APC: variants seen among roughly 807,000 people sequenced by gnomAD.
The protein encoded by APC is adenomatous polyposis coli protein.
Under a neutral mutation model 247.0 loss-of-function variants are expected in APC, and 72 were observed. That is an observed-to-expected ratio of 0.29 (90% CI 0.24 to 0.35). The LOEUF (loss-of-function observed/expected upper bound fraction) is 0.35. APC is among the 10% of genes least tolerant of loss of function. The pLI is 1.00. For missense variants in APC, 3,400 were observed against 3,360.7 expected, an observed-to-expected ratio of 1.01 and a Z score of -0.29; for synonymous variants, 1,254 against 1,162.5, an observed-to-expected ratio of 1.08 and a Z score of -1.60.
chr5:112,734,086 G>T (rs886130959), upstream of APC, among the ~76,000 whole-genome samples: 1 of 152,158 alleles, frequency 6.6e-6, no homozygotes, highest in African/African-American at 2.4e-5. Flanking sequence ...ACAGCACCTT[G>T]CGAGGCCAAG....
chr5:112,744,401 G>A (rs1379172588), intron 1 of APC, among the ~76,000 whole-genome samples: 1 of 152,166 alleles, frequency 6.6e-6, no homozygotes, highest in Non-Finnish European at 1.5e-5. Context: ...CTGTCGCTGA[G>A]TAAAGCATTT....
intron 4 of APC, among the ~76,000 whole-genome samples, chr5:112,770,976 G>C (rs901718082): frequency 6.6e-6 from 1 of 151,992 alleles, no homozygotes; most frequent in Non-Finnish European, 1.5e-5. Context: ...ATTTTGTTAA[G>C]ACTGTTAACA....
At chr5:112,774,829 T>C (rs1757436733) in intron 4 of APC, among the ~76,000 whole-genome samples, 1 of 152,194 alleles carries the variant, frequency 6.6e-6, no homozygotes, top group Non-Finnish European at 1.5e-5. Context: ...TACACTATAA[T>C]AATATGCTAC....
rs553772210 is a variant in APC at position 112,812,141 on chromosome 5, A to G, written c.835-3354A>G. On this transcript the variant is annotated intron_variant, in intron 8 of 15. Coordinates refer to ENST00000257430, the MANE Select transcript of APC (RefSeq NM_000038.6). The stretch of plus-strand genomic sequence containing the variant: ...CTTGAGAGTGCTTCTCATCACCTCT[A>G]TAGCATTTTATTCACTAGAAGCAAG... Among the ~76,000 whole-genome samples, 7 of 152,310 alleles carry G rather than the reference A, an allele frequency of 4.6e-5. No homozygotes were observed. The South Asian group carries it at 6.2e-4, about 14-fold the overall frequency.
At chr5:112,732,971 C>A (rs909346336), upstream of APC, among the ~76,000 whole-genome samples, 58 of 152,182 alleles carry the variant, frequency 3.8e-4, no homozygotes, top group Admixed American at 1.7e-3. Flanking sequence ...TCAGTTATTC[C>A]CATTTTATAG....
intron 1 of APC, among the ~76,000 whole-genome samples, chr5:112,731,002 G>A (rs1752070936): frequency 6.6e-6 from 1 of 151,728 alleles, no homozygotes; most frequent in Non-Finnish European, 1.5e-5. Flanking sequence ...TTAAAAGCTA[G>A]TTTATATCAT....
intron 9 of APC, among the ~76,000 whole-genome samples, chr5:112,817,202 T>C (rs1311843687): frequency 6.6e-6 from 1 of 152,176 alleles, no homozygotes. Context: ...TAAGATGAAA[T>C]GAAATTCTAA....
rs752605851 is a variant in APC, at chr5:112,841,278, C to T, written c.5684C>T (p.Thr1895Ile). 2 of 1,613,730 alleles carry T rather than the reference C, an allele frequency of 1.2e-6. No homozygotes were observed. The highest frequency in any genetic ancestry group is 2.2e-5 in the South Asian group (2 of 91,066). The part of the protein sequence containing the change: ...KENKESEAKV[T>I]SHTELTSNQQ... ...AATAAGGAATCAGAGGCTAAAGTTA[C>T]CAGCCACACAGAACTAACCTCCAAC... is the stretch of plus-strand genomic sequence containing the variant. Residue 1895 changes from threonine to isoleucine, a missense_variant, in exon 16 of 16, where the codon ACC becomes ATC. By Grantham distance (89) the Thr-to-Ile change is moderately conservative. This residue lies in a region of APC where 1,788 missense variants were observed against 1,649.5 expected (regional missense o/e 1.08). Coordinates refer to ENST00000257430, the MANE Select transcript of APC (RefSeq NM_000038.6). This position sits in a 1 kb window ranked among gnomAD's most constrained non-coding sequence, Gnocchi z 4.6.
At chr5:112,753,015 A>C (rs1380111496) in intron 1 of APC, among the ~76,000 whole-genome samples, 1 of 152,040 alleles carries the variant, frequency 6.6e-6, no homozygotes, top group Non-Finnish European at 1.5e-5. Context: ...TGTCTCAGTA[A>C]ACTTGTGCAT....
intron 1 of APC, among the ~76,000 whole-genome samples, chr5:112,731,606 A>G (rs1380590257): frequency 6.6e-6 from 1 of 152,156 alleles, no homozygotes; most frequent in Non-Finnish European, 1.5e-5. Context: ...TGGGGGACAT[A>G]CTCAAATCGT....
chr5:112,739,018 T>G (rs114355315), intron 1 of APC, among the ~76,000 whole-genome samples: 1 of 152,246 alleles, frequency 6.6e-6, no homozygotes, highest in Non-Finnish European at 1.5e-5. Flanking sequence ...TCAAAAATTA[T>G]GGTGAACAAA....
At position 112,838,308 on chromosome 5, in the gene APC, G is replaced by C. The variant is rs1580626106; in HGVS notation, c.2714G>C (p.Ser905Thr). Residue 905 changes from serine (S) to threonine (T), a missense_variant, in exon 16 of 16, where the codon AGT becomes ACT. Ser to Thr is a moderately conservative substitution (Grantham distance 58, BLOSUM62 1). Coordinates refer to ENST00000257430, the MANE Select transcript of APC (RefSeq NM_000038.6). ...ATTCATACCTCTCAGGAAGACAGAAGTTCTGGGTCTACCACTGAATTACAT... is the reference window on the plus strand; with the variant it reads ...ATTCATACCTCTCAGGAAGACAGAACTTCTGGGTCTACCACTGAATTACAT... ...SAIHTSQEDR[S>T]SGSTTELHCV... 1 of 1,614,194 alleles carries C rather than the reference G, an allele frequency of 6.2e-7. No individual in the cohort carries two copies. The highest frequency in any genetic ancestry group is 8.5e-7 in the Non-Finnish European group (1 of 1,180,040).
At chr5:112,725,068 C>G (rs1404186986) in intron 1 of APC, among the ~76,000 whole-genome samples, 2 of 152,140 alleles carry the variant, frequency 1.3e-5, no homozygotes, top group African/African-American at 2.4e-5. Flanking sequence ...ACCGCAACCT[C>G]TGCCTCCTGG....
intron 7 of APC, 130 bp downstream of exon 7, chr5:112,792,659 T>G: frequency 1.5e-6 from 1 of 687,198 alleles, no homozygotes; most frequent in Non-Finnish European, 2.5e-6. Flanking sequence ...ATACCGTAAT[T>G]TTTTTCGTGA....
chr5:112,836,009 C>CTTTTTTTTTT (rs371484714), intron 15 of APC, among the ~76,000 whole-genome samples: 2 of 106,340 alleles, frequency 1.9e-5, no homozygotes, highest in African/African-American at 4.2e-5. Context: ...ATACAACTGT[C>CTTTTTTTTTT]TTTTTTTTTT....
rs2149899307 is a variant in APC at position 112,839,396 on chromosome 5, C to G, written c.3802C>G (p.Pro1268Ala). ...ACAGACTTATTGTGTAGAAGATACT[C>G]CAATATGTTTTTCAAGATGTAGTTC... Reference protein sequence around the residue: ...TIQTYCVEDTPICFSRCSSLS... With the variant: ...TIQTYCVEDTAICFSRCSSLS... Residue 1268 changes from proline (P) to alanine (A), a missense_variant, in exon 16 of 16, where the codon CCA becomes GCA. Physicochemically the swap from Pro to Ala is conservative, Grantham distance 27. Transcript: ENST00000257430. This position sits in a 1 kb window ranked among gnomAD's most constrained non-coding sequence, Gnocchi z 5.0. The G allele has an allele frequency of 6.2e-7, 1 of 1,614,088 alleles. No homozygotes were observed. The highest frequency in any genetic ancestry group is 8.5e-7 in the Non-Finnish European group (1 of 1,179,994).
intron 6 of APC, among the ~76,000 whole-genome samples, chr5:112,788,361 A>T (rs1440680420): frequency 2.0e-5 from 3 of 152,192 alleles, no homozygotes; most frequent in African/African-American, 4.8e-5. Flanking sequence ...ATTAAGGAGA[A>T]GTCAGACCTT....
At chr5:112,714,547 A>G (rs980195151) in intron 1 of APC, among the ~76,000 whole-genome samples, 4 of 152,186 alleles carry the variant, frequency 2.6e-5, no homozygotes, top group Non-Finnish European at 4.4e-5. Context: ...ATTCTGCTCC[A>G]TTATTCCCCA....
At chr5:112,812,953 C>T (rs546519310) in intron 8 of APC, among the ~76,000 whole-genome samples, 4 of 152,218 alleles carry the variant, frequency 2.6e-5, no homozygotes, top group African/African-American at 7.2e-5. Context: ...AGGAGGATTA[C>T]TAATTAGTTT....
Sources: gnomAD v4.1 joint callset for allele counts (sites outside exome capture counted in the v4.1 genomes callset) on GRCh38, gnomAD v4.1.1 for gene constraint, gnomAD v4.1.1 regional missense constraint, Gnocchi (gnomAD v3.1) non-coding constraint, MANE v1.5 for transcripts, NCBI Gene and HGNC (gene_info 2026-07-23, HGNC 2026-07-21) for gene names.